The following MTUS2 variants were observed in gnomAD, a reference collection of about 807,000 sequenced individuals.
MTUS2 encodes microtubule associated scaffold protein 2.
In MTUS2, 40 loss-of-function variants were observed where a neutral mutation model predicts 114.1. That is an observed-to-expected ratio of 0.35 (90% CI 0.27 to 0.46). The LOEUF (loss-of-function observed/expected upper bound fraction) is 0.46. MTUS2 is among the 20% of genes least tolerant of loss of function. MTUS2 has a pLI of 1.00. For missense variants in MTUS2, 1,679 were observed against 1,705.4 expected (o/e 0.98, Z 0.27); for synonymous variants, 688 against 672.0 (o/e 1.02, Z -0.37).
At chr13:28,939,821 A>G (rs1265975362) in intron 2 of MTUS2, among the ~76,000 whole-genome samples, 1 of 152,168 alleles carries the variant, frequency 6.6e-6, no homozygotes, top group Non-Finnish European at 1.5e-5. Context: ...TGGGTAATAT[A>G]TAAAGGAAAG....
intron 2 of MTUS2, among the ~76,000 whole-genome samples, chr13:28,962,207 G>GTA (rs1299782690): frequency 1.3e-5 from 2 of 151,934 alleles, no homozygotes; most frequent in East Asian, 3.8e-4. Flanking sequence ...GCGTGTATGT[G>GTA]TATATATATG....
chr13:29,325,455 CA>C (rs761433335), intron 7 of MTUS2, among the ~76,000 whole-genome samples: 13 of 52,330 alleles, frequency 2.5e-4, no homozygotes, highest in South Asian at 8.1e-4. Context: ...GACTTCATCT[CA>C]AAAAAAAAAA....
At chr13:29,192,312 A>C (rs73447253) in intron 5 of MTUS2, among the ~76,000 whole-genome samples, 1 of 152,296 alleles carries the variant, frequency 6.6e-6, no homozygotes, top group South Asian at 2.1e-4. Flanking sequence ...TTGTTCACCA[A>C]ATGTTCTCAA....
At chr13:29,095,538 T>A (rs1890142045) in intron 4 of MTUS2, among the ~76,000 whole-genome samples, 1 of 146,048 alleles carries the variant, frequency 6.8e-6, no homozygotes, top group Non-Finnish European at 1.5e-5. Flanking sequence ...ATTAATAATT[T>A]AAATAAATTT....
chr13:29,210,909 C>T (rs1895403183), intron 5 of MTUS2, among the ~76,000 whole-genome samples: 1 of 152,088 alleles, frequency 6.6e-6, no homozygotes, highest in Admixed American at 6.6e-5. Context: ...GGCCTCCAGC[C>T]AGGAGGTGAC....
intron 5 of MTUS2, among the ~76,000 whole-genome samples, chr13:29,217,504 A>T (rs1193088736): frequency 6.6e-6 from 1 of 152,200 alleles, no homozygotes; most frequent in Admixed American, 6.5e-5. Flanking sequence ...CCTTAATTTA[A>T]AAATACTTTA....
At chr13:29,054,562 A>C (rs1888043468) in intron 4 of MTUS2, among the ~76,000 whole-genome samples, 1 of 152,084 alleles carries the variant, frequency 6.6e-6, no homozygotes, top group South Asian at 2.1e-4. Context: ...TCAGTTTTGC[A>C]AGATGAAAAA....
At chr13:28,972,358 A>C (rs1394472766) in intron 2 of MTUS2, among the ~76,000 whole-genome samples, 1 of 152,132 alleles carries the variant, frequency 6.6e-6, no homozygotes, top group African/African-American at 2.4e-5. Context: ...CCTAAGAAAT[A>C]ATTGGTCCCC....
intron 2 of MTUS2, among the ~76,000 whole-genome samples, chr13:28,862,055 C>G (rs905453487): frequency 2.6e-5 from 4 of 152,056 alleles, no homozygotes; most frequent in East Asian, 1.9e-4. Context: ...GGAAGCTGAC[C>G]CTAACACATG....
At chr13:29,249,455 A>G (rs1566090427) in intron 5 of MTUS2, among the ~76,000 whole-genome samples, 1 of 152,202 alleles carries the variant, frequency 6.6e-6, no homozygotes, top group African/African-American at 2.4e-5. Flanking sequence ...GTTTCTCCAC[A>G]GCCTCACCAG....
intron 2 of MTUS2, among the ~76,000 whole-genome samples, chr13:28,982,134 G>A: frequency 6.6e-6 from 1 of 152,156 alleles, no homozygotes; most frequent in Non-Finnish European, 1.5e-5. Context: ...AGAACAGAAG[G>A]TTCCACAGGT....
chr13:29,369,882 A>G (rs1258971497), intron 8 of MTUS2, among the ~76,000 whole-genome samples: 2 of 152,164 alleles, frequency 1.3e-5, no homozygotes, highest in African/African-American at 4.8e-5. Flanking sequence ...TCAGGTTAAA[A>G]CTCAGGGTCA....
intron 8 of MTUS2, among the ~76,000 whole-genome samples, chr13:29,437,027 G>A (rs190474349): frequency 6.6e-6 from 1 of 152,250 alleles, no homozygotes; most frequent in Non-Finnish European, 1.5e-5. Flanking sequence ...GGGCCTTCCA[G>A]CCACTCCTTC....
At chr13:28,877,159 C>A (rs3011025) in intron 2 of MTUS2, among the ~76,000 whole-genome samples, 20,404 of 144,732 alleles carry the variant, frequency 0.14, 1,555 homozygotes, top group African/African-American at 0.18. Flanking sequence ...CAAAAAAATA[C>A]AAAAAAAAAT....
chr13:29,082,201 G>A (rs1889474535), intron 4 of MTUS2, among the ~76,000 whole-genome samples: 1 of 152,098 alleles, frequency 6.6e-6, no homozygotes, highest in African/African-American at 2.4e-5. Context: ...CTAGAAAGAG[G>A]GCCTTTACTG....
At chr13:28,892,316 G>T (rs191149413) in intron 2 of MTUS2, among the ~76,000 whole-genome samples, 2 of 152,264 alleles carry the variant, frequency 1.3e-5, no homozygotes, top group African/African-American at 4.8e-5. Context: ...TCCTGGGGCA[G>T]CTGGTGCTGG....
intron 6 of MTUS2, among the ~76,000 whole-genome samples, chr13:29,286,648 A>ATCTGTCTGTCTGTCTG (rs908168290): frequency 3.8e-4 from 55 of 146,054 alleles, no homozygotes; most frequent in African/African-American, 1.2e-3. Flanking sequence ...TGCACTATCT[A>ATCTGTCTGTCTGTCTG]TCTGTCTGTC....
chr13:29,279,692 A>G (rs1368860590), intron 5 of MTUS2, among the ~76,000 whole-genome samples: 2 of 152,214 alleles, frequency 1.3e-5, no homozygotes, highest in East Asian at 3.8e-4. Flanking sequence ...TGGTAATTCA[A>G]GCCCTCCCTC....
intron 5 of MTUS2, among the ~76,000 whole-genome samples, chr13:29,180,811 C>T (rs533516136): frequency 3.3e-5 from 5 of 152,208 alleles, no homozygotes; most frequent in African/African-American, 4.8e-5. Context: ...GAGGGTTGTC[C>T]GGGGTAGCCT....
Sources: gnomAD v4.1 joint callset for allele counts (sites outside exome capture counted in the v4.1 genomes callset) on GRCh38, gnomAD v4.1.1 for gene constraint, MANE v1.5 for transcripts, NCBI Gene and HGNC (gene_info 2026-07-23, HGNC 2026-07-21) for gene names.